Variants in NHS observed in about 807,000 individuals in gnomAD.
NHS encodes actin remodeling regulator NHS.
In NHS, 5 loss-of-function variants were observed where a neutral mutation model predicts 72.5. The observed-to-expected ratio is 0.07, with a 90% CI of 0.04 to 0.14. NHS has a LOEUF of 0.14. Ranked by LOEUF, NHS falls within the 10% of genes least tolerant of loss-of-function variation. NHS has a pLI of 1.00. For missense variants in NHS, 1,072 were observed against 1,355.7 expected, an observed-to-expected ratio of 0.79 and a Z score of 3.29; for synonymous variants, 464 against 547.7, an observed-to-expected ratio of 0.85 and a Z score of 2.13.
chrX:17,674,420 T>G (rs1009905054), intron 1 of NHS, among the ~76,000 whole-genome samples: 1 of 112,388 alleles, frequency 8.9e-6, no homozygotes, highest in African/African-American at 3.2e-5. Context: ...GTTGTAACGT[T>G]GAACCACATG....
Position 17,593,321 on chromosome X carries a change from C to A in NHS, c.566-94421C>A, listed in dbSNP as rs184305832. Among the ~76,000 whole-genome samples the A allele has an allele frequency of 6.3e-5, 7 of 111,260 alleles. No homozygotes were observed. The East Asian group carries it at 2.0e-3, about 32-fold the overall frequency. On this transcript the variant is annotated intron_variant, in intron 1 of 8. Coordinates refer to ENST00000676302, the MANE Select transcript of NHS (RefSeq NM_001291867.2). The stretch of plus-strand genomic sequence containing the variant: ...TAGAACCCTATTTGGCCTTGATAAG[C>A]ATTCCTGCTTTTATTATTAATATAG...
At chrX:17,448,900 A>G (rs370123231) in intron 1 of NHS, among the ~76,000 whole-genome samples, 1 of 112,692 alleles carries the variant, frequency 8.9e-6, no homozygotes, top group East Asian at 2.8e-4. Context: ...TATTGTCTAG[A>G]TGATAATAAT....
chrX:17,722,395 T>TA (rs1370931918), intron 5 of NHS, among the ~76,000 whole-genome samples: 1 of 112,208 alleles, frequency 8.9e-6, no homozygotes, highest in Non-Finnish European at 1.9e-5. Flanking sequence ...CTCTAATAGT[T>TA]ACATTTTAAC....
At chrX:17,698,819 CA>C (rs1355748728) in intron 3 of NHS, among the ~76,000 whole-genome samples, 1 of 111,316 alleles carries the variant, frequency 9.0e-6, no homozygotes, top group Non-Finnish European at 1.9e-5. Context: ...ATCATATTAA[CA>C]GATCTAGGAG....
At chrX:17,463,847 C>T (rs918462565) in intron 1 of NHS, among the ~76,000 whole-genome samples, 1 of 112,003 alleles carries the variant, frequency 8.9e-6, no homozygotes, top group African/African-American at 3.2e-5. Context: ...TAAAAAGGGC[C>T]TGATCGAATG....
intron 1 of NHS, among the ~76,000 whole-genome samples, chrX:17,523,522 C>T (rs1018110276): frequency 4.5e-5 from 5 of 111,877 alleles, no homozygotes; most frequent in Non-Finnish European, 9.4e-5. Flanking sequence ...GGCATAGAGC[C>T]GCCATGAGAC....
intron 1 of NHS, among the ~76,000 whole-genome samples, chrX:17,684,855 C>T (rs975141438): frequency 8.9e-6 from 1 of 111,904 alleles, no homozygotes; most frequent in African/African-American, 3.3e-5. Context: ...GGCCCCTGGA[C>T]GTATGCAAAT....
intron 1 of NHS, among the ~76,000 whole-genome samples, chrX:17,642,655 C>A (rs184253227): frequency 1.9e-3 from 215 of 112,045 alleles, no homozygotes; most frequent in Middle Eastern, 4.7e-3. Flanking sequence ...CCCAATATAA[C>A]ATCTTATACA....
intron 3 of NHS, among the ~76,000 whole-genome samples, chrX:17,704,955 A>G (rs2066287653): frequency 8.9e-6 from 1 of 112,232 alleles, no homozygotes; most frequent in Non-Finnish European, 1.9e-5. Context: ...ACATATGGAC[A>G]AGATTGAAGG....
intron 8 of NHS, 152 bp downstream of exon 8, chrX:17,728,927 A>C: frequency 4.0e-6 from 3 of 745,973 alleles, no homozygotes; most frequent in Non-Finnish European, 6.0e-6. Flanking sequence ...ATTTTTCCAA[A>C]TCAAGTTGAT....
chrX:17,694,363 C>G (rs978534828), intron 3 of NHS, among the ~76,000 whole-genome samples: 34 of 112,489 alleles, frequency 3.0e-4, no homozygotes, highest in African/African-American at 1.1e-3. Context: ...GCTCACAAGA[C>G]TGTATATTGC....
At chrX:17,460,901 C>T (rs1009965027) in intron 1 of NHS, among the ~76,000 whole-genome samples, 3 of 111,973 alleles carry the variant, frequency 2.7e-5, no homozygotes, top group East Asian at 2.8e-4. Context: ...TGAGGGGTAA[C>T]GATTCAAGCC....
At chrX:17,379,707 A>G (rs1252975315) in intron 1 of NHS, among the ~76,000 whole-genome samples, 1 of 112,044 alleles carries the variant, frequency 8.9e-6, no homozygotes. Flanking sequence ...TCCGGGAGGC[A>G]GAGGTTGCAG....
chrX:17,497,018 G>T (rs2065015949), intron 1 of NHS, among the ~76,000 whole-genome samples: 1 of 111,987 alleles, frequency 8.9e-6, no homozygotes, highest in Non-Finnish European at 1.9e-5. Flanking sequence ...AATGAAAAAA[G>T]AAACTCATGG....
At chrX:17,409,305 A>C (rs1471391349) in intron 1 of NHS, among the ~76,000 whole-genome samples, 2 of 111,570 alleles carry the variant, frequency 1.8e-5, no homozygotes, top group Non-Finnish European at 3.8e-5. Context: ...GTCAGGCAGG[A>C]GCACTTAATG....
At chrX:17,520,122 A>G (rs2065141242) in intron 1 of NHS, among the ~76,000 whole-genome samples, 1 of 111,691 alleles carries the variant, frequency 9.0e-6, no homozygotes, top group Admixed American at 9.5e-5. Context: ...GGGAAACCTC[A>G]TCTTTGTGGA....
intron 1 of NHS, among the ~76,000 whole-genome samples, chrX:17,592,638 T>C (rs1323799251): frequency 8.9e-6 from 1 of 112,237 alleles, no homozygotes; most frequent in East Asian, 2.8e-4. Context: ...TATAGTCCAT[T>C]TGAATGTTCT....
intron 1 of NHS, among the ~76,000 whole-genome samples, chrX:17,437,020 A>G (rs2064726963): frequency 8.9e-6 from 1 of 111,896 alleles, no homozygotes; most frequent in Non-Finnish European, 1.9e-5. Flanking sequence ...ATTGCATGCC[A>G]TCATCACTTG....
chrX:17,541,118 TTTAGTGGA>T (rs767061549), intron 1 of NHS, among the ~76,000 whole-genome samples: 30 of 112,305 alleles, frequency 2.7e-4, no homozygotes, highest in Non-Finnish European at 5.4e-4. Context: ...TTGCCTTGCC[TTTAGTGGA>T]TTACTTGAAT....
Sources: gnomAD v4.1 joint callset for allele counts (sites outside exome capture counted in the v4.1 genomes callset) on GRCh38, gnomAD v4.1.1 for gene constraint, MANE v1.5 for transcripts, NCBI Gene and HGNC (gene_info 2026-07-23, HGNC 2026-07-21) for gene names.